The following SLC8B1 variants were observed in gnomAD, a reference collection of about 807,000 sequenced individuals.
SLC8B1 encodes mitochondrial sodium/calcium exchanger protein.
SLC8B1 carries 52 observed loss-of-function variants against 63.4 expected under a neutral mutation model. The ratio of observed to expected loss-of-function variants is 0.82; its 90% CI spans 0.66 to 1.03. The LOEUF (loss-of-function observed/expected upper bound fraction) is 1.03, where lower values mean the gene tolerates loss of function less well. Ranked by LOEUF, SLC8B1 falls within the 50% of genes least tolerant of loss-of-function variation. The pLI is 0.00. For synonymous variants in SLC8B1, 336 were observed against 323.9 expected (o/e 1.04, Z -0.40); for missense variants, 657 against 741.7 (o/e 0.89, Z 1.33).
chr12:113,325,852 C>G (rs1956991059), intron 2 of SLC8B1, among the ~76,000 whole-genome samples: 1 of 152,154 alleles, frequency 6.6e-6, no homozygotes, highest in African/African-American at 2.4e-5. Context: ...CGTGAGCCAC[C>G]GCGCCCAGCC....
At position 113,300,042 on chromosome 12, in the gene SLC8B1, A is replaced by G. The variant is rs949222648; in HGVS notation, c.1558-68T>C. On this transcript the variant is annotated intron_variant, in intron 15 of 15. Coordinates refer to ENST00000680972, the MANE Select transcript of SLC8B1 (RefSeq NM_001358345.2). ...ACAGGCCCCGCCCCGTCTGTGGCCA[A>G]CACAACAATGCAGCCTCAACAACAA... 43 of 1,426,792 alleles carry G rather than the reference A, an allele frequency of 3.0e-5. No individual in the cohort carries two copies. In the African/African-American group the frequency reaches 5.6e-4, roughly 19 times the overall value. The allele number at this position is 1,426,792 out of a possible 1,614,324, so 88.4% of individuals were successfully genotyped here.
intron 15 of SLC8B1, among the ~76,000 whole-genome samples, 190 bp from the exon 16 acceptor site, chr12:113,300,164 C>T (rs1295697835): frequency 4.6e-5 from 7 of 152,264 alleles, no homozygotes; most frequent in African/African-American, 1.7e-4. Context: ...GCACCCTCAA[C>T]AACAATGCAC....
intron 7 of SLC8B1, 102 bp from the exon 8 acceptor site, chr12:113,319,173 T>G: frequency 1.2e-6 from 1 of 845,132 alleles, no homozygotes; most frequent in Non-Finnish European, 2.0e-6. Flanking sequence ...GGTGGCAATC[T>G]GTGTTAGCCC....
In SLC8B1 at chr12:113,320,442, A is replaced by AGG; in HGVS notation, c.581_582dup (p.Phe195ProfsTer22). 6.2e-7 allele frequency: 1 copy of AGG among 1,614,160 alleles called. No homozygotes were observed. The highest frequency in any genetic ancestry group is 2.2e-5 in the East Asian group (1 of 44,884). On this transcript the variant is annotated frameshift_variant, in exon 7 of 16. Transcript: ENST00000680972. LOFTEE classifies it high-confidence loss of function. The surrounding 1 kb of genome is among the most constrained non-coding windows in gnomAD (Gnocchi z 5.3). Reference sequence around the variant, plus strand: ...AAGAAGGGCCTGGAGGCAGCCATGAAGGGGTGTAGGATGGTAATGCCTCCG... The same window carrying AGG: ...AAGAAGGGCCTGGAGGCAGCCATGAAGGGGGGTGTAGGATGGTAATGCCTCCG...
intron 2 of SLC8B1, among the ~76,000 whole-genome samples, chr12:113,329,168 C>G (rs897998684): frequency 6.6e-6 from 1 of 152,202 alleles, no homozygotes; most frequent in Admixed American, 6.5e-5. Context: ...CTCACCCATT[C>G]AGTCTTCATC....
At chr12:113,323,237 T>C (rs538958476) in intron 2 of SLC8B1, among the ~76,000 whole-genome samples, 31 of 152,256 alleles carry the variant, frequency 2.0e-4, no homozygotes, top group Admixed American at 1.3e-3. Context: ...CCAAAAGAAA[T>C]GCTCAAGGCC....
At chr12:113,325,037 T>C (rs1332343989) in intron 2 of SLC8B1, among the ~76,000 whole-genome samples, 3 of 152,102 alleles carry the variant, frequency 2.0e-5, no homozygotes, top group African/African-American at 7.2e-5. Flanking sequence ...TCTGTAGCAA[T>C]TCCCTTCCTC....
At chr12:113,324,250 C>A (rs1956966829) in intron 2 of SLC8B1, among the ~76,000 whole-genome samples, 1 of 151,068 alleles carries the variant, frequency 6.6e-6, no homozygotes, top group African/African-American at 2.4e-5. Context: ...GAGGTTGAGG[C>A]TGCAGTGAGC....
intron 2 of SLC8B1, 109 bp from the exon 3 acceptor site, chr12:113,321,457 CCACCAT>C (rs1800502842): frequency 1.4e-6 from 2 of 1,427,792 alleles, no homozygotes; most frequent in Non-Finnish European, 1.9e-6. Flanking sequence ...GTCTCCAAGG[CCACCAT>C]ACCCTCTGGG....
intron 15 of SLC8B1, among the ~76,000 whole-genome samples, chr12:113,304,055 A>C (rs1297961736): frequency 1.3e-5 from 2 of 151,956 alleles, no homozygotes; most frequent in Admixed American, 1.3e-4. Flanking sequence ...TAATTTTTGT[A>C]TTTTTAGTAG....
intron 1 of SLC8B1, 109 bp from the exon 2 acceptor site, chr12:113,333,069 C>G (rs1035187506): frequency 1.5e-6 from 1 of 665,936 alleles, no homozygotes; most frequent in African/African-American, 1.8e-5. Context: ...CTCCCGGCAG[C>G]AAAGTTAAGC....
At position 113,310,346 on chromosome 12, in the gene SLC8B1, TA is replaced by T; in HGVS notation, c.1144del (p.Tyr382MetfsTer3). 1.2e-6 allele frequency: 2 copies of T among 1,613,412 alleles called. No homozygotes were observed. Among genetic ancestry groups the T allele is most frequent in the Non-Finnish European group, 1.7e-6 (2 of 1,179,828 alleles). On this transcript the variant is annotated frameshift_variant, in exon 12 of 16. Coordinates refer to ENST00000680972, the MANE Select transcript of SLC8B1 (RefSeq NM_001358345.2). LOFTEE classifies it high-confidence loss of function. ...LTLQSGTYGV[Y>X]EIGGLVPVWV... is the part of the protein sequence containing the mutation. The stretch of plus-strand genomic sequence containing the variant: ...GACGGGAACGAGGCCGCCTATCTCA[TA>T]GACACCATCTGCAAAGGGAGAGAAA...
rs778647147 is a variant in SLC8B1, at chr12:113,305,996, T to C, written c.1492+499A>G. ...ATTGCTTGAACCCGGAAGGCAGAAATTGCAGTGAGCCAAGATCACGCCACC... is the reference window on the plus strand; with the variant it reads ...ATTGCTTGAACCCGGAAGGCAGAAACTGCAGTGAGCCAAGATCACGCCACC... On this transcript the variant is annotated intron_variant, in intron 14 of 15. Transcript: ENST00000680972. This position sits in a 1 kb window ranked among gnomAD's most constrained non-coding sequence, Gnocchi z 4.3. Among the ~76,000 whole-genome samples the C allele has an allele frequency of 1.5e-4, 22 of 142,626 alleles. No individual in the cohort carries two copies. Among genetic ancestry groups the C allele is most frequent in the Non-Finnish European group, 3.1e-4 (21 of 67,198 alleles). 93.6% of individuals were successfully genotyped at this position (142,626 alleles called of 152,430 possible).
chr12:113,329,695 T>A (rs1348548802), intron 2 of SLC8B1, among the ~76,000 whole-genome samples: 1 of 152,082 alleles, frequency 6.6e-6, no homozygotes, highest in Non-Finnish European at 1.5e-5. Flanking sequence ...CCTATGTCAC[T>A]AACTCAGTCC....
Position 113,315,392 on chromosome 12 carries a change from A to G in SLC8B1, c.1078T>C (p.Cys360Arg), listed in dbSNP as rs1195728622. The part of the protein sequence containing the change: ...DDQNWKRPLN[C>R]LHLVISPLVV... ...AGGGGGCTGATAACCAGATGCAGAC[A>G]GTTGAGGGGCCGTTTCCAGTTCTGG... The change falls in exon 11 of 16, where the codon TGT becomes CGT. Residue 360 changes from cysteine to arginine, a missense_variant. Transcript: ENST00000680972. The G allele has an allele frequency of 4.4e-6, 7 of 1,574,016 alleles. No homozygotes were observed. The highest frequency in any genetic ancestry group is 6.0e-6 in the Non-Finnish European group (7 of 1,159,370).
intron 10 of SLC8B1, among the ~76,000 whole-genome samples, chr12:113,316,177 C>A (rs1956832819): frequency 6.6e-6 from 1 of 151,640 alleles, no homozygotes; most frequent in Admixed American, 6.6e-5. Context: ...TGAGCCGAGA[C>A]CGCGCCACTG....
In SLC8B1 at chr12:113,323,022, T is replaced by C. The variant is rs150316527; in HGVS notation, c.157-1674A>G. ...GGGATAGCTGCCAACGAAGGCTGGG[T>C]TGAGCCAGTTACCACCACCATGAGC... On this transcript the variant is annotated intron_variant, in intron 2 of 15. Transcript: ENST00000680972. 4.3e-3 allele frequency among the ~76,000 whole-genome samples: 647 copies of C among 152,100 alleles called. 8 individuals are homozygous for C. Among genetic ancestry groups the C allele is most frequent in the African/African-American group, 0.015 (606 of 41,484 alleles).
At chr12:113,319,122 G>C in intron 7 of SLC8B1, 51 bp from the exon 8 acceptor site, 1 of 1,398,628 alleles carries the variant, frequency 7.1e-7, no homozygotes, top group African/African-American at 1.4e-5. Context: ...TGCAGGTCTA[G>C]AGAACAACAG....
chr12:113,333,143 T>A (rs1957079118), intron 1 of SLC8B1, among the ~76,000 whole-genome samples, 183 bp from the exon 2 acceptor site: 1 of 152,220 alleles, frequency 6.6e-6, no homozygotes, highest in Non-Finnish European at 1.5e-5. Context: ...CCATTCAGCG[T>A]GCAGATCAGA....
Sources: allele counts gnomAD v4.1 joint callset (sites outside exome capture counted in the v4.1 genomes callset), GRCh38; gene constraint gnomAD v4.1.1; non-coding constraint Gnocchi (gnomAD v3.1); transcripts MANE v1.5; gene names NCBI Gene and HGNC (gene_info 2026-07-23, HGNC 2026-07-21).